COX7B2: variants seen among roughly 807,000 people sequenced by gnomAD.
The protein encoded by COX7B2 is cytochrome c oxidase subunit 7B2, mitochondrial.
For missense variants in COX7B2, 109 were observed against 95.9 expected, an observed-to-expected ratio of 1.14 and a Z score of -0.57; for synonymous variants, 37 against 32.1, an observed-to-expected ratio of 1.15 and a Z score of -0.51.
At chr4:46,905,778 A>G (rs928187175) in intron 1 of COX7B2, among the ~76,000 whole-genome samples, 23 of 151,298 alleles carry the variant, frequency 1.5e-4, no homozygotes, top group Non-Finnish European at 2.7e-4. Context: ...TCTATCTTAC[A>G]AAACAGAGCC....
intron 2 of COX7B2, among the ~76,000 whole-genome samples, chr4:46,837,983 C>G: frequency 6.6e-6 from 1 of 151,940 alleles, no homozygotes. Flanking sequence ...TGGAAGTCAA[C>G]ATAGATATTT....
chr4:46,787,810 T>C (rs1437282557), intron 2 of COX7B2, among the ~76,000 whole-genome samples: 3 of 152,214 alleles, frequency 2.0e-5, no homozygotes, highest in Non-Finnish European at 4.4e-5. Flanking sequence ...ACTTACTTTG[T>C]GTGTTCTGCC....
chr4:46,848,680 C>T (rs1368392561), intron 1 of COX7B2, among the ~76,000 whole-genome samples: 1 of 151,994 alleles, frequency 6.6e-6, no homozygotes, highest in Admixed American at 6.6e-5. Context: ...ATTTAAAGTT[C>T]TGTAAGACAC....
chr4:46,783,683 A>G (rs1230101393), intron 2 of COX7B2, among the ~76,000 whole-genome samples: 1 of 152,220 alleles, frequency 6.6e-6, no homozygotes, highest in African/African-American at 2.4e-5. Flanking sequence ...CCTGAGGCCA[A>G]ATAACATTTT....
At chr4:46,754,754 G>A (rs1323539366) in intron 2 of COX7B2, among the ~76,000 whole-genome samples, 16 of 40,436 alleles carry the variant, frequency 4.0e-4, no homozygotes, top group Admixed American at 8.3e-4. Context: ...ATATATGAAA[G>A]AAATCCAGAA....
chr4:46,790,654 T>C (rs1344458805), intron 2 of COX7B2, among the ~76,000 whole-genome samples: 2 of 152,320 alleles, frequency 1.3e-5, no homozygotes, highest in East Asian at 3.9e-4. Context: ...CTGTATCTGT[T>C]CTGGGTCCCC....
At chr4:46,887,178 G>A (rs1244517265) in intron 1 of COX7B2, among the ~76,000 whole-genome samples, 1 of 152,154 alleles carries the variant, frequency 6.6e-6, no homozygotes, top group Non-Finnish European at 1.5e-5. Flanking sequence ...AGCATTTTAA[G>A]GAATACATTT....
At chr4:46,817,531 C>G (rs1719617120) in intron 2 of COX7B2, among the ~76,000 whole-genome samples, 1 of 152,102 alleles carries the variant, frequency 6.6e-6, no homozygotes, top group Admixed American at 6.5e-5. Context: ...TTTCTGACAC[C>G]CTTTAATTGG....
chr4:46,752,922 C>T (rs1158975346), intron 2 of COX7B2, among the ~76,000 whole-genome samples: 2 of 152,164 alleles, frequency 1.3e-5, no homozygotes, highest in East Asian at 1.9e-4. Flanking sequence ...CAGGATGATG[C>T]TGCCCTCATA....
intron 2 of COX7B2, among the ~76,000 whole-genome samples, chr4:46,832,881 G>C (rs1202806193): frequency 6.6e-6 from 1 of 151,712 alleles, no homozygotes; most frequent in Non-Finnish European, 1.5e-5. Context: ...TACGCTTCAT[G>C]TACAGCCTGC....
At chr4:46,844,404 T>C (rs1206505044) in intron 2 of COX7B2, among the ~76,000 whole-genome samples, 1 of 151,906 alleles carries the variant, frequency 6.6e-6, no homozygotes, top group Non-Finnish European at 1.5e-5. Flanking sequence ...TTACACACCA[T>C]ACTGACCAAG....
intron 2 of COX7B2, among the ~76,000 whole-genome samples, chr4:46,808,951 T>G (rs1006061703): frequency 2.0e-5 from 3 of 151,896 alleles, no homozygotes; most frequent in Admixed American, 6.6e-5. Flanking sequence ...TAAGGATTTT[T>G]GCATCACTGT....
At chr4:46,876,376 G>C (rs948221254) in intron 1 of COX7B2, among the ~76,000 whole-genome samples, 4 of 148,936 alleles carry the variant, frequency 2.7e-5, no homozygotes, top group African/African-American at 7.4e-5. Context: ...CTGATTTTCA[G>C]TTTCAAACAC....
intron 2 of COX7B2, among the ~76,000 whole-genome samples, chr4:46,835,895 C>G (rs1213650923): frequency 6.6e-6 from 1 of 152,156 alleles, no homozygotes; most frequent in South Asian, 2.1e-4. Context: ...CAAAGCTGCA[C>G]AGCAAGTTAC....
At chr4:46,813,260 G>T (rs1446196581) in intron 2 of COX7B2, among the ~76,000 whole-genome samples, 1 of 152,116 alleles carries the variant, frequency 6.6e-6, no homozygotes, top group Non-Finnish European at 1.5e-5. Flanking sequence ...CTGTTCATGG[G>T]CATTCAGAAG....
chr4:46,773,162 T>G (rs1191399901), intron 2 of COX7B2, among the ~76,000 whole-genome samples: 1 of 152,124 alleles, frequency 6.6e-6, no homozygotes, highest in Non-Finnish European at 1.5e-5. Flanking sequence ...AATAGAAAAA[T>G]AGTTTTCTAC....
intron 2 of COX7B2, among the ~76,000 whole-genome samples, chr4:46,794,136 T>G (rs1020729052): frequency 6.6e-6 from 1 of 152,212 alleles, no homozygotes; most frequent in Non-Finnish European, 1.5e-5. Flanking sequence ...TGTTACACTC[T>G]GAAACAACTA....
At chr4:46,747,206 G>T (rs937206553) in intron 2 of COX7B2, among the ~76,000 whole-genome samples, 2 of 151,656 alleles carry the variant, frequency 1.3e-5, no homozygotes, top group Non-Finnish European at 2.9e-5. Context: ...CCTTTCTCCC[G>T]CCCTCCACCC....
At chr4:46,761,041 T>C (rs891701808) in intron 2 of COX7B2, among the ~76,000 whole-genome samples, 3 of 152,278 alleles carry the variant, frequency 2.0e-5, no homozygotes, top group Admixed American at 1.3e-4. Context: ...GGCCTTTCAT[T>C]ACTTTGTCAC....
Sources: allele counts gnomAD v4.1 joint callset (sites outside exome capture counted in the v4.1 genomes callset), GRCh38; gene constraint gnomAD v4.1.1; transcripts MANE v1.5; gene names NCBI Gene and HGNC (gene_info 2026-07-23, HGNC 2026-07-21).